The following GRM1 variants were observed in gnomAD, a reference collection of about 807,000 sequenced individuals.
The protein encoded by GRM1 is metabotropic glutamate receptor 1.
In GRM1, 33 loss-of-function variants were observed where a neutral mutation model predicts 90.9. That is an observed-to-expected ratio of 0.36 (90% CI 0.28 to 0.49). The LOEUF (loss-of-function observed/expected upper bound fraction) is 0.49, where lower values mean the gene tolerates loss of function less well. Ranked by LOEUF, GRM1 falls within the 20% of genes least tolerant of loss-of-function variation. GRM1 has a pLI of 0.99. For synonymous variants in GRM1, 700 were observed against 613.2 expected (o/e 1.14, Z -2.09); for missense variants, 1,190 against 1,534.3 (o/e 0.78, Z 3.75).
chr6:146,344,223 T>C (rs907799464), intron 3 of GRM1, among the ~76,000 whole-genome samples: 1 of 152,202 alleles, frequency 6.6e-6, no homozygotes, highest in African/African-American at 2.4e-5. Context: ...TCAGTCTTGG[T>C]ATACGTGTGT....
chr6:146,173,410 GA>G (rs1182745924), intron 2 of GRM1, among the ~76,000 whole-genome samples: 2,478 of 84,098 alleles, frequency 0.029, 65 homozygotes, highest in African/African-American at 0.094. Context: ...GAAAAGAAAA[GA>G]AAAAAAAAAA....
chr6:146,179,319 G>C lies in GRM1; in HGVS notation c.950+19722G>C, dbSNP rs983722369. On this transcript the variant is annotated intron_variant, in intron 2 of 7. Transcript: ENST00000282753. ...CATCTTGACTTTATCTTGATTTTGA[G>C]CTTGCAGAGAGATGACCTTATGACC... Among the ~76,000 whole-genome samples the C allele has an allele frequency of 2.0e-5, 3 of 152,150 alleles. No homozygotes were observed. The East Asian group carries it at 5.8e-4, about 29-fold the overall frequency.
chr6:146,098,331 G>A (rs1170293409), intron 1 of GRM1, among the ~76,000 whole-genome samples: 2 of 152,024 alleles, frequency 1.3e-5, no homozygotes, highest in African/African-American at 4.8e-5. Flanking sequence ...TGATAATATT[G>A]TTCTATAGAG....
At chr6:146,122,404 T>G (rs1776024933) in intron 1 of GRM1, among the ~76,000 whole-genome samples, 1 of 152,158 alleles carries the variant, frequency 6.6e-6, no homozygotes, top group Non-Finnish European at 1.5e-5. Flanking sequence ...CACTGCAACA[T>G]TCCTATAAAA....
chr6:146,134,570 G>A (rs1441923875), intron 1 of GRM1, among the ~76,000 whole-genome samples: 4 of 152,130 alleles, frequency 2.6e-5, no homozygotes, highest in Admixed American at 2.6e-4. Context: ...AGAGAGTAGT[G>A]CAGAGCAAAG....
chr6:146,286,986 G>A (rs1583276682), intron 2 of GRM1, among the ~76,000 whole-genome samples: 1 of 152,166 alleles, frequency 6.6e-6, no homozygotes, highest in Admixed American at 6.5e-5. Flanking sequence ...ATGGCAAGAT[G>A]AACAATGATT....
intron 5 of GRM1, among the ~76,000 whole-genome samples, chr6:146,369,597 T>G (rs1411760794): frequency 6.6e-6 from 1 of 152,086 alleles, no homozygotes; most frequent in African/African-American, 2.4e-5. Context: ...CAGTAGCGTG[T>G]CATTTATTTT....
chr6:146,102,806 G>A (rs1050920119), intron 1 of GRM1, among the ~76,000 whole-genome samples: 3 of 152,164 alleles, frequency 2.0e-5, no homozygotes, highest in African/African-American at 7.2e-5. Context: ...ACACTTTTAG[G>A]TGTCTAAAAT....
intron 2 of GRM1, among the ~76,000 whole-genome samples, chr6:146,268,520 G>A (rs1382056532): frequency 6.6e-6 from 1 of 152,082 alleles, no homozygotes; most frequent in Non-Finnish European, 1.5e-5. Flanking sequence ...TTCAATGCCA[G>A]TCACATGCTT....
chr6:146,167,482 G>A (rs139904789), intron 2 of GRM1, among the ~76,000 whole-genome samples: 1 of 152,124 alleles, frequency 6.6e-6, no homozygotes, highest in African/African-American at 2.4e-5. Flanking sequence ...TTTCCAAAGT[G>A]GCCATATAAT....
chr6:146,348,764 G>A (rs1785270568), intron 3 of GRM1, among the ~76,000 whole-genome samples: 1 of 152,226 alleles, frequency 6.6e-6, no homozygotes, highest in Non-Finnish European at 1.5e-5. Context: ...TGATCCCAGA[G>A]AGAAGTCCTA....
chr6:146,366,613 T>C (rs1000141049), intron 5 of GRM1, among the ~76,000 whole-genome samples: 6 of 152,186 alleles, frequency 3.9e-5, no homozygotes, highest in East Asian at 3.8e-4. Flanking sequence ...TTCTGTGCTT[T>C]GCTTATTTAA....
chr6:146,099,078 A>G (rs1042390979), intron 1 of GRM1, among the ~76,000 whole-genome samples: 3 of 152,180 alleles, frequency 2.0e-5, no homozygotes, highest in Non-Finnish European at 4.4e-5. Context: ...AGTTTTACAA[A>G]TAACTATAAA....
chr6:146,254,319 T>C (rs1159733419), intron 2 of GRM1, among the ~76,000 whole-genome samples: 2 of 152,086 alleles, frequency 1.3e-5, no homozygotes, highest in Non-Finnish European at 2.9e-5. Flanking sequence ...ATTTGACCCC[T>C]TCCAGCTTCC....
chr6:146,102,979 C>T (rs1777101670), intron 1 of GRM1, among the ~76,000 whole-genome samples: 7 of 152,086 alleles, frequency 4.6e-5, no homozygotes, highest in Admixed American at 4.6e-4. Flanking sequence ...TTGGGGATAC[C>T]TCAGTTTTTT....
At chr6:146,170,444 C>G (rs1387059505) in intron 2 of GRM1, among the ~76,000 whole-genome samples, 3 of 152,010 alleles carry the variant, frequency 2.0e-5, no homozygotes, top group Non-Finnish European at 4.4e-5. Context: ...CTCTGAGGCT[C>G]CGTTCATTTT....
intron 1 of GRM1, among the ~76,000 whole-genome samples, chr6:146,091,593 G>T (rs762057049): frequency 1.1e-4 from 17 of 152,066 alleles, no homozygotes; most frequent in Non-Finnish European, 1.8e-4. Context: ...ATCCAGTGTG[G>T]CAAGGACATG....
At chr6:146,254,995 C>A (rs2114774548) in intron 2 of GRM1, among the ~76,000 whole-genome samples, 1 of 152,178 alleles carries the variant, frequency 6.6e-6, no homozygotes, top group South Asian at 2.1e-4. Flanking sequence ...AGAGATGTGG[C>A]ATATAAATAA....
chr6:146,376,828 G>T (rs150077124), intron 5 of GRM1, among the ~76,000 whole-genome samples: 1 of 152,092 alleles, frequency 6.6e-6, no homozygotes, highest in Admixed American at 6.6e-5. Context: ...ATGTCAAATC[G>T]TAACTCTCAT....
Sources: allele counts gnomAD v4.1 joint callset (sites outside exome capture counted in the v4.1 genomes callset), GRCh38; gene constraint gnomAD v4.1.1; transcripts MANE v1.5; gene names NCBI Gene and HGNC (gene_info 2026-07-23, HGNC 2026-07-21).